The following CYP19A1 variants were observed in gnomAD, a reference collection of about 807,000 sequenced individuals.
The protein encoded by CYP19A1 is aromatase.
CYP19A1 carries 32 observed loss-of-function variants against 44.4 expected under a neutral mutation model. The observed-to-expected ratio is 0.72, with a 90% CI of 0.54 to 0.97. CYP19A1 has a LOEUF of 0.97. Ranked by LOEUF, CYP19A1 falls within the 50% of genes least tolerant of loss-of-function variation. The pLI is 0.00. For missense variants in CYP19A1, 598 were observed against 637.8 expected (o/e 0.94, Z 0.67); for synonymous variants, 212 against 215.6 (o/e 0.98, Z 0.14).
At chr15:51,296,664 C>A (rs1017231745) in intron 1 of CYP19A1, among the ~76,000 whole-genome samples, 1 of 152,216 alleles carries the variant, frequency 6.6e-6, no homozygotes, top group Admixed American at 6.5e-5. Flanking sequence ...TAAAATGCTT[C>A]ATGTTTGCCG....
chr15:51,302,969 G>A (rs762448307), intron 1 of CYP19A1, among the ~76,000 whole-genome samples: 8 of 152,356 alleles, frequency 5.3e-5, no homozygotes, highest in Non-Finnish European at 1.0e-4. Context: ...GGAGTAGGCT[G>A]TGAGGAGCTC....
At chr15:51,235,076 C>T (rs190959350) in intron 3 of CYP19A1, among the ~76,000 whole-genome samples, 1 of 152,258 alleles carries the variant, frequency 6.6e-6, no homozygotes, top group East Asian at 1.9e-4. Flanking sequence ...ACCCCCAAAC[C>T]CAAACACCAG....
chr15:51,212,791 A>G (rs1020620592), intron 8 of CYP19A1, among the ~76,000 whole-genome samples: 1 of 152,222 alleles, frequency 6.6e-6, no homozygotes, highest in South Asian at 2.1e-4. Context: ...GGTGGAGTTT[A>G]TAGAAAAGTC....
chr15:51,250,094 C>T (rs1157044939), intron 1 of CYP19A1, among the ~76,000 whole-genome samples: 3 of 152,230 alleles, frequency 2.0e-5, no homozygotes, highest in African/African-American at 7.2e-5. Flanking sequence ...CTCTGACTGA[C>T]CATTTGTGTG....
At chr15:51,304,793 A>C (rs746497906) in intron 1 of CYP19A1, among the ~76,000 whole-genome samples, 13 of 152,030 alleles carry the variant, frequency 8.6e-5, no homozygotes, top group Non-Finnish European at 1.6e-4. Flanking sequence ...TTATTTTTTT[A>C]AATGATGCAT....
At chr15:51,228,576 G>A (rs985589004) in intron 3 of CYP19A1, among the ~76,000 whole-genome samples, 13 of 152,142 alleles carry the variant, frequency 8.5e-5, no homozygotes, top group Admixed American at 6.5e-5. Flanking sequence ...GTTCACTGTG[G>A]TAGTAAAGGA....
At chr15:51,215,005 CAT>C in intron 8 of CYP19A1, 63 bp downstream of exon 8, 1 of 1,554,524 alleles carries the variant, frequency 6.4e-7, no homozygotes, top group Non-Finnish European at 8.7e-7. Flanking sequence ...ATTCTTAGGA[CAT>C]AAGAAATGGA....
At chr15:51,262,134 C>G (rs1566901050) in intron 1 of CYP19A1, among the ~76,000 whole-genome samples, 1 of 152,242 alleles carries the variant, frequency 6.6e-6, no homozygotes, top group Non-Finnish European at 1.5e-5. Context: ...AAAGGCGTTC[C>G]TAAGCCACAA....
chr15:51,287,734 T>G (rs2035740967), intron 1 of CYP19A1, among the ~76,000 whole-genome samples: 1 of 152,180 alleles, frequency 6.6e-6, no homozygotes, highest in African/African-American at 2.4e-5. Flanking sequence ...TTTTCTTCAA[T>G]GGTCTGGGGC....
intron 1 of CYP19A1, among the ~76,000 whole-genome samples, chr15:51,283,601 C>T (rs2035602172): frequency 6.6e-6 from 1 of 152,188 alleles, no homozygotes; most frequent in Non-Finnish European, 1.5e-5. Flanking sequence ...TTCTCAGGCT[C>T]TTGTTCCAAT....
intron 1 of CYP19A1, among the ~76,000 whole-genome samples, chr15:51,264,964 A>G (rs2034863481): frequency 6.6e-6 from 1 of 152,212 alleles, no homozygotes; most frequent in African/African-American, 2.4e-5. Context: ...TACAAAACCA[A>G]TGTAGGGTTG....
intron 1 of CYP19A1, among the ~76,000 whole-genome samples, chr15:51,321,331 TG>T (rs2036524663): frequency 1.3e-5 from 2 of 152,104 alleles, no homozygotes; most frequent in African/African-American, 4.8e-5. Context: ...TGCCTACTGT[TG>T]GGGGAGCCCA....
At chr15:51,257,185 CTTA>C (rs1430125830) in intron 1 of CYP19A1, among the ~76,000 whole-genome samples, 1 of 152,184 alleles carries the variant, frequency 6.6e-6, no homozygotes, top group Non-Finnish European at 1.5e-5. Flanking sequence ...CAAACTTCAC[CTTA>C]TTATATCTAA....
chr15:51,286,588 A>AG (rs1159236211), intron 1 of CYP19A1, among the ~76,000 whole-genome samples: 3 of 152,162 alleles, frequency 2.0e-5, no homozygotes, highest in African/African-American at 7.2e-5. Flanking sequence ...CCATGGTGTA[A>AG]GGAAGTCTCC....
At chr15:51,268,059 G>T in intron 1 of CYP19A1, among the ~76,000 whole-genome samples, 1 of 152,158 alleles carries the variant, frequency 6.6e-6, no homozygotes, top group East Asian at 1.9e-4. Flanking sequence ...TGTAGAGGTG[G>T]GGTTGCTTTC....
At chr15:51,269,465 G>A (rs906586865) in intron 1 of CYP19A1, among the ~76,000 whole-genome samples, 26 of 151,988 alleles carry the variant, frequency 1.7e-4, no homozygotes, top group Non-Finnish European at 2.9e-4. Context: ...GTAAATTGGA[G>A]GATGAGCTCT....
Position 51,253,743 on chromosome 15 carries a change from C to T in CYP19A1, c.-38-10793G>A, listed in dbSNP as rs28757155. Among the ~76,000 whole-genome samples, 435 of 152,246 alleles carry T rather than the reference C, an allele frequency of 2.9e-3. 3 individuals carry two copies. Among genetic ancestry groups the T allele is most frequent in the African/African-American group, 0.01 (423 of 41,542 alleles). On this transcript the variant is annotated intron_variant, in intron 1 of 9. Coordinates refer to ENST00000396402, the MANE Select transcript of CYP19A1 (RefSeq NM_000103.4). ...GGAGAAGTTCCTAATTATCATTAAGCAAATGTTTGGCACACTCTCAGCTCT... is the reference window on the plus strand; with the variant it reads ...GGAGAAGTTCCTAATTATCATTAAGTAAATGTTTGGCACACTCTCAGCTCT...
At chr15:51,302,774 C>T (rs1422726033) in intron 1 of CYP19A1, among the ~76,000 whole-genome samples, 1 of 152,228 alleles carries the variant, frequency 6.6e-6, no homozygotes, top group Non-Finnish European at 1.5e-5. Flanking sequence ...GTCCAGCCCA[C>T]GTCTTTCTCT....
chr15:51,284,129 C>T (rs1028733744), intron 1 of CYP19A1, among the ~76,000 whole-genome samples: 1 of 152,178 alleles, frequency 6.6e-6, no homozygotes, highest in Non-Finnish European at 1.5e-5. Context: ...GAAAGAATTG[C>T]TCAGTTGCTG....
Sources: gnomAD v4.1 joint callset for allele counts (sites outside exome capture counted in the v4.1 genomes callset) on GRCh38, gnomAD v4.1.1 for gene constraint, MANE v1.5 for transcripts, NCBI Gene and HGNC (gene_info 2026-07-23, HGNC 2026-07-21) for gene names.